Variants in DPPA4 observed in about 807,000 individuals in gnomAD.
The protein encoded by DPPA4 is developmental pluripotency-associated protein 4.
In DPPA4, 22 loss-of-function variants were observed where a neutral mutation model predicts 33.7. That is an observed-to-expected ratio of 0.65 (90% CI 0.47 to 0.93). The LOEUF (loss-of-function observed/expected upper bound fraction) is 0.93, where lower values mean the gene tolerates loss of function less well. Among genes scored for constraint, DPPA4 ranks in the 40% least tolerant of loss-of-function variants. The pLI is 0.00. For missense variants in DPPA4, 340 were observed against 358.6 expected (o/e 0.95, Z 0.42); for synonymous variants, 156 against 132.3 (o/e 1.18, Z -1.23).
chr3:109,330,684 C>A lies in DPPA4; in HGVS notation c.519G>T (p.Val173=), dbSNP rs199804229. 16 of 1,614,020 alleles carry A rather than the reference C, an allele frequency of 9.9e-6. 1 individual carries two copies. Among genetic ancestry groups the A allele is most frequent in the Admixed American group, 8.3e-5 (5 of 59,992 alleles). Reference sequence around the variant, plus strand: ...AATTTTCCAGGGCAGGCGGCTCCCCCACAGGAGGAAGAGCCACTTCAGGAG... The same window carrying A: ...AATTTTCCAGGGCAGGCGGCTCCCCAACAGGAGGAAGAGCCACTTCAGGAG... ...THPPEVALPP[V]GEPPALENST... Residue 173 remains valine (V), a synonymous_variant, in exon 5 of 7, where the codon GTG becomes GTT. Transcript: ENST00000335658.
At chr3:109,337,436 A>G in intron 1 of DPPA4, 28 bp downstream of exon 1, 2 of 1,610,166 alleles carry the variant, frequency 1.2e-6, no homozygotes, top group Non-Finnish European at 1.7e-6. Context: ...AGACAGACAG[A>G]AAACAAATCC....
chr3:109,333,192 T>A (rs1230056372), intron 2 of DPPA4, among the ~76,000 whole-genome samples: 1 of 151,264 alleles, frequency 6.6e-6, no homozygotes, highest in Admixed American at 6.6e-5. Flanking sequence ...AATACAAAAA[T>A]CAGCCAGGCA....
chr3:109,330,493 G>A, intron 5 of DPPA4, 31 bp downstream of exon 5: 1 of 1,610,950 alleles, frequency 6.2e-7, no homozygotes, highest in Non-Finnish European at 8.5e-7. Flanking sequence ...TTCCCCATTG[G>A]ACCAGAATAA....
At chr3:109,333,657 G>T in intron 2 of DPPA4, 1 of 390,618 alleles carries the variant, frequency 2.6e-6, no homozygotes, top group Non-Finnish European at 4.5e-6. Flanking sequence ...AACCAAATAT[G>T]CTGTGGAAGT....
At chr3:109,331,400 G>A (rs1356788837) in intron 4 of DPPA4, among the ~76,000 whole-genome samples, 1 of 151,042 alleles carries the variant, frequency 6.6e-6, no homozygotes, top group African/African-American at 2.4e-5. Flanking sequence ...GAAGTGGGTG[G>A]ATCACCTGAG....
chr3:109,331,564 AAAAG>A (rs368651803), intron 4 of DPPA4, among the ~76,000 whole-genome samples, 166 bp downstream of exon 4: 4 of 106,108 alleles, frequency 3.8e-5, no homozygotes, highest in African/African-American at 6.3e-5. Flanking sequence ...AAAAAAAAAA[AAAAG>A]AAAGAAAGAA....
At chr3:109,335,474 G>A (rs1708172580) in intron 1 of DPPA4, among the ~76,000 whole-genome samples, 1 of 152,148 alleles carries the variant, frequency 6.6e-6, no homozygotes, top group African/African-American at 2.4e-5. Context: ...TGTCACCCCG[G>A]CTGTAGTGCA....
At chr3:109,332,418 A>T (rs1438952917) in intron 2 of DPPA4, among the ~76,000 whole-genome samples, 1 of 152,080 alleles carries the variant, frequency 6.6e-6, no homozygotes, top group Admixed American at 6.6e-5. Flanking sequence ...ACTTTTAGTT[A>T]ATAGTCCAAT....
upstream of DPPA4, among the ~76,000 whole-genome samples, chr3:109,337,810 C>A (rs1333638032): frequency 1.3e-5 from 2 of 151,606 alleles, no homozygotes; most frequent in Non-Finnish European, 2.9e-5. Context: ...CAGAACGATT[C>A]TACGGGGAAA....
At chr3:109,328,825 T>C in intron 6 of DPPA4, 65 bp downstream of exon 6, 3 of 1,451,478 alleles carry the variant, frequency 2.1e-6, no homozygotes, top group Non-Finnish European at 2.8e-6. Context: ...AATGTATATC[T>C]TAACTTTCTG....
intron 1 of DPPA4, among the ~76,000 whole-genome samples, chr3:109,335,406 G>A (rs998656544): frequency 6.6e-6 from 1 of 152,112 alleles, no homozygotes; most frequent in Admixed American, 6.6e-5. Context: ...GATTAAAGGC[G>A]CGAGCCACTG....
chr3:109,337,967 A>G (rs1708247089), upstream of DPPA4, among the ~76,000 whole-genome samples: 1 of 152,234 alleles, frequency 6.6e-6, no homozygotes, highest in Non-Finnish European at 1.5e-5. Context: ...TACCAAATAC[A>G]TTCCATTTCC....
chr3:109,337,306 A>T (rs1178236888), intron 1 of DPPA4, among the ~76,000 whole-genome samples, 158 bp downstream of exon 1: 1 of 151,458 alleles, frequency 6.6e-6, no homozygotes, highest in Non-Finnish European at 1.5e-5. Context: ...GGCTGCAATC[A>T]TATTCTTGGG....
intron 5 of DPPA4, 100 bp from the exon 6 acceptor site, chr3:109,329,188 A>C: frequency 9.9e-7 from 1 of 1,008,994 alleles, no homozygotes; most frequent in South Asian, 1.5e-5. Context: ...ACCAGCTCCA[A>C]GATGTGAACC....
Position 109,330,242 on chromosome 3 carries a change from C to T in DPPA4, c.679+282G>A, listed in dbSNP as rs370307394. ...GCTTGAACCTGGGAGGTGGAGGTTGCGGTGAGCTGAGATCGCGCCACTGCA... is the reference window on the plus strand; with the variant it reads ...GCTTGAACCTGGGAGGTGGAGGTTGTGGTGAGCTGAGATCGCGCCACTGCA... On this transcript the variant is annotated intron_variant, in intron 5 of 6. Transcript: ENST00000335658. 54 of 369,916 alleles carry T rather than the reference C, an allele frequency of 1.5e-4. 2 individuals are homozygous for T. The highest frequency in any genetic ancestry group is 1.1e-3 in the South Asian group (45 of 41,826). The allele number at this position is 369,916 out of a possible 1,614,324, so 22.9% of individuals were successfully genotyped here. A position where few individuals can be genotyped will look rare whatever the true frequency, so the allele number is the denominator to read the frequency against.
At chr3:109,334,980 G>A (rs760023546) in intron 1 of DPPA4, among the ~76,000 whole-genome samples, 11 of 151,998 alleles carry the variant, frequency 7.2e-5, no homozygotes, top group Non-Finnish European at 1.5e-4. Context: ...AATTACATTG[G>A]TTTGTGTGAT....
rs1372049557 is a variant in DPPA4 at position 109,329,721 on chromosome 3, GTCT to G, written c.680-636_680-634del. The G allele has an allele frequency of 2.0e-5, 3 of 152,558 alleles. No individual in the cohort carries two copies. In the East Asian group the frequency reaches 5.8e-4, roughly 29 times the overall value. 9.5% of individuals were successfully genotyped at this position (152,558 alleles called of 1,614,324 possible). ...CACATTGGATTATGCTAAGCAGTTTGTCTTCTTTTGTTGTACTTTCTGTAATTC... is the reference window on the plus strand; with the variant it reads ...CACATTGGATTATGCTAAGCAGTTTGTCTTTTGTTGTACTTTCTGTAATTC... On this transcript the variant is annotated intron_variant, in intron 5 of 6. Coordinates refer to ENST00000335658, the MANE Select transcript of DPPA4 (RefSeq NM_018189.4).
chr3:109,333,752 G>T (rs1228221851), intron 2 of DPPA4, 118 bp downstream of exon 2: 15 of 1,243,416 alleles, frequency 1.2e-5, no homozygotes, highest in Non-Finnish European at 1.5e-5. Context: ...CTTCCATGAA[G>T]TGCAGGATTT....
chr3:109,337,067 A>G (rs906485074), intron 1 of DPPA4, among the ~76,000 whole-genome samples: 9 of 151,668 alleles, frequency 5.9e-5, no homozygotes, highest in African/African-American at 2.2e-4. Context: ...CACCTGGCTA[A>G]TTTTGTACTT....
Sources: allele counts gnomAD v4.1 joint callset (sites outside exome capture counted in the v4.1 genomes callset), GRCh38; gene constraint gnomAD v4.1.1; transcripts MANE v1.5; gene names NCBI Gene and HGNC (gene_info 2026-07-23, HGNC 2026-07-21).